SP140: variants seen among roughly 807,000 people sequenced by gnomAD.
The protein encoded by SP140 is nuclear body protein SP140.
In SP140, 81 loss-of-function variants were observed where a neutral mutation model predicts 125.0. The observed-to-expected ratio is 0.65, with a 90% CI of 0.54 to 0.78. The LOEUF (loss-of-function observed/expected upper bound fraction) is 0.78, where lower values mean the gene tolerates loss of function less well. SP140 is among the 30% of genes least tolerant of loss of function. SP140 has a pLI of 0.00. For synonymous variants in SP140, 312 were observed against 354.0 expected, an observed-to-expected ratio of 0.88 and a Z score of 1.33; for missense variants, 858 against 1,037.0, an observed-to-expected ratio of 0.83 and a Z score of 2.37.
At chr2:230,303,355 C>T (rs762898071) in intron 22 of SP140, among the ~76,000 whole-genome samples, 7 of 152,084 alleles carry the variant, frequency 4.6e-5, no homozygotes, top group Non-Finnish European at 8.8e-5. Context: ...TAGATTAAAG[C>T]AGGCAGAAAT....
intron 18 of SP140, among the ~76,000 whole-genome samples, chr2:230,290,190 T>A (rs1257149904): frequency 1.3e-5 from 2 of 152,162 alleles, no homozygotes; most frequent in East Asian, 3.9e-4. Flanking sequence ...TCAGTGGAGC[T>A]TACGAGATTA....
At chr2:230,289,981 C>A (rs2056930082) in intron 18 of SP140, among the ~76,000 whole-genome samples, 1 of 152,072 alleles carries the variant, frequency 6.6e-6, no homozygotes, top group South Asian at 2.1e-4. Flanking sequence ...AAGGAGAGAA[C>A]AAAAATAGAA....
At chr2:230,309,523 A>G (rs1188978920) in intron 22 of SP140, among the ~76,000 whole-genome samples, 3 of 152,242 alleles carry the variant, frequency 2.0e-5, no homozygotes, top group African/African-American at 7.2e-5. Context: ...TTATTCCATC[A>G]TATGTAATTA....
chr2:230,189,898 G>A, the SP140 span, among the ~76,000 whole-genome samples: 1 of 152,234 alleles, frequency 6.6e-6, no homozygotes, highest in East Asian at 1.9e-4. Context: ...GCTGCATAGT[G>A]TTCCATGATG....
intron 1 of SP140, among the ~76,000 whole-genome samples, chr2:230,208,887 T>C (rs1217365333): frequency 3.3e-5 from 5 of 152,062 alleles, no homozygotes; most frequent in Admixed American, 3.3e-4. Context: ...TGGCAATAGA[T>C]TACTGAAATG....
intron 3 of SP140, chr2:230,238,592 C>T: frequency 1.3e-6 from 1 of 752,994 alleles, no homozygotes; most frequent in Non-Finnish European, 2.1e-6. Context: ...CCAAGTAATC[C>T]TGCAAATGGT....
chr2:230,199,693 T>G (rs188307473), upstream of SP140, among the ~76,000 whole-genome samples: 63 of 152,264 alleles, frequency 4.1e-4, no homozygotes, highest in African/African-American at 1.5e-3. Flanking sequence ...AGAGACCAAA[T>G]AGTTTCTTCT....
Position 230,288,059 on chromosome 2 carries a change from A to G in SP140, c.1720+93A>G, listed in dbSNP as rs2056621747. 2.7e-6 allele frequency: 3 copies of G among 1,100,726 alleles called. No homozygotes were observed. In the African/African-American group the frequency reaches 4.8e-5, roughly 18 times the overall value. The allele number at this position is 1,100,726 out of a possible 1,614,324, so 68.2% of individuals were successfully genotyped here. A position where few individuals can be genotyped will look rare whatever the true frequency, so the allele number is the denominator to read the frequency against. ...TTTCAGTAATAAACCCATTTCCTTAATTGTTTTATGAAGCTGTACTAACTA... is the reference window on the plus strand; with the variant it reads ...TTTCAGTAATAAACCCATTTCCTTAGTTGTTTTATGAAGCTGTACTAACTA... On this transcript the variant is annotated intron_variant, in intron 18 of 26. Coordinates refer to ENST00000392045, the MANE Select transcript of SP140 (RefSeq NM_007237.5).
chr2:230,282,429 G>C (rs1027827888), intron 15 of SP140, among the ~76,000 whole-genome samples: 1 of 152,120 alleles, frequency 6.6e-6, no homozygotes, highest in Non-Finnish European at 1.5e-5. Context: ...TCCCCATGAA[G>C]ACACCACCCC....
At chr2:230,314,306 G>A (rs141306969), downstream of SP140, among the ~76,000 whole-genome samples, 1,727 of 152,218 alleles carry the variant, frequency 0.011, 32 homozygotes, top group African/African-American at 0.039. Context: ...GACCGCTCAG[G>A]ACAATGCAAG....
chr2:230,298,662 T>C (rs1384899175), intron 22 of SP140, among the ~76,000 whole-genome samples: 3 of 152,216 alleles, frequency 2.0e-5, no homozygotes, highest in Non-Finnish European at 1.5e-5. Context: ...TGACTTATAA[T>C]ATCCCCATGC....
At chr2:230,313,743 A>T (rs570327065), downstream of SP140, among the ~76,000 whole-genome samples, 1 of 152,198 alleles carries the variant, frequency 6.6e-6, no homozygotes, top group Non-Finnish European at 1.5e-5. Flanking sequence ...GTCTAGCCCA[A>T]TGGTGCTGGG....
At chr2:230,270,516 A>G in intron 14 of SP140, 70 bp from the exon 15 acceptor site, 5 of 1,420,190 alleles carry the variant, frequency 3.5e-6, no homozygotes, top group African/African-American at 2.9e-5. Context: ...TCTGTAGTAT[A>G]CATTGTCCTA....
intron 18 of SP140, among the ~76,000 whole-genome samples, chr2:230,288,964 AT>A (rs2056805485): frequency 6.6e-6 from 1 of 152,164 alleles, no homozygotes; most frequent in African/African-American, 2.4e-5. Flanking sequence ...CTGATTTATA[AT>A]CCTTTGGGTA....
intron 10 of SP140, 113 bp downstream of exon 10, chr2:230,251,174 C>T: frequency 1.2e-6 from 1 of 835,090 alleles, no homozygotes. Flanking sequence ...TGAAAGAATG[C>T]AATTAAATCT....
Position 230,310,023 on chromosome 2 carries a change from C to T in SP140, c.2158C>T (p.Pro720Ser). The change falls in exon 23 of 27, where the codon CCT becomes TCT. Residue 720 changes from proline (P) to serine (S), a missense_variant. By Grantham distance (74) the Pro-to-Ser change is moderately conservative (BLOSUM62 -1). Around this residue, in one of 4 missense-constraint regions of SP140, gnomAD observed 791 missense variants for 869.5 expected, o/e 0.91. Transcript: ENST00000392045. ...CTTCCATGAGGACTGTCACATCCCG[C>T]CTGTGGAAGCTGAGAGGTAAGTGAC... Reference protein sequence around the residue: ...RVFHEDCHIPPVEAERTPWNC... With the variant: ...RVFHEDCHIPSVEAERTPWNC... 2 of 1,614,140 alleles carry T rather than the reference C, an allele frequency of 1.2e-6. No homozygotes were observed. Among genetic ancestry groups the T allele is most frequent in the Non-Finnish European group, 1.7e-6 (2 of 1,180,024 alleles).
intron 10 of SP140, among the ~76,000 whole-genome samples, chr2:230,253,100 A>T (rs758637823): frequency 6.6e-6 from 1 of 152,202 alleles, no homozygotes; most frequent in Non-Finnish European, 1.5e-5. Flanking sequence ...AGTTGGAGAG[A>T]AGATCAGACA....
At chr2:230,216,903 C>G in intron 3 of SP140, 1 of 1,613,870 alleles carries the variant, frequency 6.2e-7, no homozygotes, top group Non-Finnish European at 8.5e-7. Context: ...AGAGCCTCTT[C>G]CATGGCTCTT....
chr2:230,216,964 G>A, intron 3 of SP140: 1 of 1,595,006 alleles, frequency 6.3e-7, no homozygotes, highest in East Asian at 2.3e-5. Flanking sequence ...TAGAAGCAAA[G>A]GCTGGGCGCG....
Sources: gnomAD v4.1 joint callset for allele counts (sites outside exome capture counted in the v4.1 genomes callset) on GRCh38, gnomAD v4.1.1 for gene constraint, gnomAD v4.1.1 regional missense constraint, MANE v1.5 for transcripts, NCBI Gene and HGNC (gene_info 2026-07-23, HGNC 2026-07-21) for gene names.